Variants in USH2A observed in about 807,000 individuals in gnomAD.
USH2A encodes the protein usherin, also known as Usher syndrome 2A (autosomal recessive, mild).
In USH2A, 443 loss-of-function variants were observed where a neutral mutation model predicts 538.9. The ratio of observed to expected loss-of-function variants is 0.82; its 90% confidence interval spans 0.76 to 0.89. The LOEUF (loss-of-function observed/expected upper bound fraction) is 0.89, where lower values mean the gene tolerates loss of function less well. USH2A is among the 40% of genes least tolerant of loss of function. The pLI, the probability that USH2A is intolerant of heterozygous loss-of-function variation, is 0.00. For synonymous variants in USH2A, 2,413 were observed against 2,273.5 expected (o/e 1.06, Z -1.75); for missense variants, 6,633 against 6,324.8 (o/e 1.05, Z -1.65).
At chr1:216,014,694 C>T (rs527684041) in intron 32 of USH2A, among the ~76,000 whole-genome samples, 6 of 152,328 alleles carry the variant, frequency 3.9e-5, no homozygotes, top group Non-Finnish European at 8.8e-5. Context: ...AAACAGATCA[C>T]TCTAATATGC....
At chr1:215,647,785 C>T (rs1656909402) in intron 66 of USH2A, 55 bp from the exon 67 acceptor site, 4 of 1,591,990 alleles carry the variant, frequency 2.5e-6, no homozygotes, top group African/African-American at 2.7e-5. Context: ...TAGTTTAACT[C>T]TCTCTTTTAA....
intron 11 of USH2A, among the ~76,000 whole-genome samples, chr1:216,278,989 T>A (rs957784246): frequency 2.0e-5 from 3 of 152,180 alleles, no homozygotes; most frequent in Non-Finnish European, 2.9e-5. Context: ...TATTCCATCT[T>A]CCATAGGTCA....
intron 15 of USH2A, among the ~76,000 whole-genome samples, chr1:216,208,184 T>C (rs1246867309): frequency 1.3e-5 from 2 of 152,134 alleles, no homozygotes; most frequent in Non-Finnish European, 2.9e-5. Flanking sequence ...TTTTCTTTTT[T>C]TTCACCAGAA....
In USH2A at chr1:216,246,623, G is replaced by C. The variant is rs1482350818; in HGVS notation, c.2771C>G (p.Pro924Arg). ...ATTACACCTTCTTCCTTGACGATTA[G>C]GCACACACAGGCACTGGCCACTGAT... ...DPISGQCLCV[P>R]NRQGRRCNQC... The change falls in exon 13 of 72, where the codon CCT becomes CGT. Residue 924 changes from proline to arginine, a missense_variant. Pro to Arg is a moderately radical substitution (Grantham distance 103). Transcript: ENST00000307340. 1 of 1,613,898 alleles carries C rather than the reference G, an allele frequency of 6.2e-7. No individual in the cohort carries two copies. The highest frequency in any genetic ancestry group is 8.5e-7 in the Non-Finnish European group (1 of 1,179,964).
intron 32 of USH2A, among the ~76,000 whole-genome samples, chr1:216,033,575 G>T (rs1372976282): frequency 6.6e-6 from 1 of 152,206 alleles, no homozygotes; most frequent in East Asian, 1.9e-4. Context: ...TAGGAGCCAG[G>T]TGATAAGTGT....
At chr1:215,694,986 T>C (rs1658755345) in intron 61 of USH2A, among the ~76,000 whole-genome samples, 1 of 152,380 alleles carries the variant, frequency 6.6e-6, no homozygotes, top group South Asian at 2.1e-4. Context: ...ATTATTGTAG[T>C]GGTAATCCTA....
chr1:216,145,217 C>T (rs1331289705), intron 21 of USH2A, among the ~76,000 whole-genome samples: 1 of 152,122 alleles, frequency 6.6e-6, no homozygotes, highest in Non-Finnish European at 1.5e-5. Flanking sequence ...CTCTAAATTC[C>T]AATTCCAAAT....
chr1:216,105,213 G>T (rs1462670978), intron 21 of USH2A, among the ~76,000 whole-genome samples: 5 of 152,010 alleles, frequency 3.3e-5, no homozygotes, highest in Non-Finnish European at 2.9e-5. Flanking sequence ...TACCTTGTCT[G>T]AGAAATCTTT....
intron 44 of USH2A, among the ~76,000 whole-genome samples, chr1:215,857,034 A>G (rs1664189619): frequency 6.6e-6 from 1 of 152,192 alleles, no homozygotes; most frequent in South Asian, 2.1e-4. Flanking sequence ...CAAAGGCATA[A>G]GAATGATACA....
At chr1:216,000,326 A>T in intron 33 of USH2A, 77 bp downstream of exon 33, 1 of 1,585,352 alleles carries the variant, frequency 6.3e-7, no homozygotes, top group South Asian at 1.1e-5. Context: ...ATTTTATGTC[A>T]CAAGCTCCTC....
chr1:216,163,217 T>C (rs943939381), intron 21 of USH2A, among the ~76,000 whole-genome samples: 1 of 151,974 alleles, frequency 6.6e-6, no homozygotes, highest in African/African-American at 2.4e-5. Flanking sequence ...AGGGATGGAA[T>C]TGGTATTTTA....
intron 49 of USH2A, among the ~76,000 whole-genome samples, chr1:215,805,562 TA>T (rs899152622): frequency 8.4e-4 from 128 of 152,150 alleles, no homozygotes; most frequent in African/African-American, 3.0e-3. Context: ...ATTGTGTGCT[TA>T]AAAAATGGTT....
intron 44 of USH2A, among the ~76,000 whole-genome samples, chr1:215,852,557 A>T (rs569935398): frequency 2.1e-3 from 314 of 152,280 alleles, no homozygotes; most frequent in Middle Eastern, 3.4e-3. Context: ...TCATTTCAGC[A>T]TTAACTGAAA....
intron 38 of USH2A, among the ~76,000 whole-genome samples, chr1:215,927,211 C>T (rs1401778358): frequency 6.6e-6 from 1 of 152,018 alleles, no homozygotes; most frequent in Non-Finnish European, 1.5e-5. Flanking sequence ...TAAAACAATA[C>T]TGTGAAATTC....
rs772390388 is a variant in USH2A, at chr1:216,000,611, TGAG to T, written c.6326-52_6326-50del. ...ATTTACTCAGCATTATACTTCTTATTGAGGAGATTTCACTCCTCCACTATAGTC... is the reference window on the plus strand; with the variant it reads ...ATTTACTCAGCATTATACTTCTTATTGAGATTTCACTCCTCCACTATAGTC... On this transcript the variant is annotated intron_variant, in intron 32 of 71. Transcript: ENST00000307340. 5.6e-6 allele frequency: 9 copies of T among 1,607,264 alleles called. No individual in the cohort carries two copies. In the African/African-American group the frequency reaches 9.4e-5, roughly 17 times the overall value.
chr1:216,093,507 T>C (rs1473567307), intron 22 of USH2A, among the ~76,000 whole-genome samples: 3 of 152,168 alleles, frequency 2.0e-5, no homozygotes, highest in Non-Finnish European at 2.9e-5. Flanking sequence ...GTAAAGGATA[T>C]GAAAACAACT....
chr1:216,067,725 G>A (rs2031426546), intron 30 of USH2A, among the ~76,000 whole-genome samples: 2 of 152,256 alleles, frequency 1.3e-5, no homozygotes, highest in South Asian at 4.1e-4. Flanking sequence ...CTATGAGAAT[G>A]CAGGAGAAGC....
rs55865063 is a variant in USH2A at position 216,070,025 on chromosome 1, T to A, written c.6049+76A>T. On this transcript the variant is annotated intron_variant, in intron 30 of 71. Transcript: ENST00000307340. The stretch of plus-strand genomic sequence containing the variant: ...TTTAATACATTTTTCTAAAAAACAT[T>A]TGCAGAAGATTTTTATTTAAAATGC... The A allele has an allele frequency of 9.1e-3, 13,914 of 1,527,052 alleles. 87 individuals are homozygous for A. The highest frequency in any genetic ancestry group is 0.01 in the Non-Finnish European group (11,226 of 1,113,502). 94.6% of individuals were successfully genotyped at this position (1,527,052 alleles called of 1,614,324 possible).
At chr1:216,383,475 A>G (rs1005649034) in intron 3 of USH2A, among the ~76,000 whole-genome samples, 2 of 152,238 alleles carry the variant, frequency 1.3e-5, no homozygotes, top group African/African-American at 4.8e-5. Flanking sequence ...TGCTTGAAAT[A>G]AAAATATCAT....
Sources: allele counts gnomAD v4.1 joint callset (sites outside exome capture counted in the v4.1 genomes callset), GRCh38; gene constraint gnomAD v4.1.1; transcripts MANE v1.5; gene names NCBI Gene and HGNC (gene_info 2026-07-23, HGNC 2026-07-21).